POC1A: variants seen among roughly 807,000 people sequenced by gnomAD.
POC1A encodes POC1 centriolar protein homolog A.
A neutral mutation model predicts 47.8 loss-of-function variants in POC1A; 34 were observed. The observed-to-expected ratio is 0.71, with a 90% CI of 0.54 to 0.95. The LOEUF (loss-of-function observed/expected upper bound fraction) is 0.95. Ranked by LOEUF, POC1A falls within the 40% of genes least tolerant of loss-of-function variation. POC1A has a pLI of 0.00. For synonymous variants in POC1A, 177 were observed against 207.6 expected (o/e 0.85, Z 1.27); for missense variants, 466 against 528.3 (o/e 0.88, Z 1.16).
At chr3:52,091,688 T>G (rs776483594) in intron 10 of POC1A, among the ~76,000 whole-genome samples, 5 of 152,178 alleles carry the variant, frequency 3.3e-5, no homozygotes, top group Non-Finnish European at 7.3e-5. Flanking sequence ...AGTCCAGCGG[T>G]ATGGGGACTG....
At chr3:52,127,804 C>T (rs12386365) in intron 7 of POC1A, among the ~76,000 whole-genome samples, 24,028 of 151,550 alleles carry the variant, frequency 0.16, 3,195 homozygotes, top group African/African-American at 0.36. Flanking sequence ...CAAGCGATTC[C>T]TGTGCCTCAG....
chr3:52,127,526 G>C (rs1239260326), intron 7 of POC1A, among the ~76,000 whole-genome samples: 1 of 151,620 alleles, frequency 6.6e-6, no homozygotes, highest in East Asian at 1.9e-4. Context: ...GAGTAGCTGG[G>C]ATTACAGGTG....
At chr3:52,129,538 C>A (rs576350215) in intron 7 of POC1A, among the ~76,000 whole-genome samples, 1 of 152,202 alleles carries the variant, frequency 6.6e-6, no homozygotes, top group Non-Finnish European at 1.5e-5. Flanking sequence ...CTCTGAGCAG[C>A]GGCTCCTGGC....
intron 9 of POC1A, among the ~76,000 whole-genome samples, chr3:52,102,991 G>A (rs894501290): frequency 1.3e-5 from 2 of 149,074 alleles, no homozygotes; most frequent in Non-Finnish European, 2.9e-5. Context: ...AAGACACTGT[G>A]GTATTGGTAA....
intron 9 of POC1A, among the ~76,000 whole-genome samples, chr3:52,112,941 C>G (rs1703434560): frequency 6.6e-6 from 1 of 152,200 alleles, no homozygotes; most frequent in South Asian, 2.1e-4. Flanking sequence ...ACCTAGAAAT[C>G]TGTTAGAAAT....
At chr3:52,120,541 C>T (rs1006968662) in intron 9 of POC1A, among the ~76,000 whole-genome samples, 35 of 152,226 alleles carry the variant, frequency 2.3e-4, no homozygotes, top group African/African-American at 7.7e-4. Context: ...TGGGCGTATT[C>T]AGGTACTATG....
chr3:52,140,473 A>G (rs1698154981), intron 6 of POC1A, among the ~76,000 whole-genome samples: 1 of 152,200 alleles, frequency 6.6e-6, no homozygotes, highest in East Asian at 1.9e-4. Context: ...GGGCATGCTC[A>G]GGGAGCTCTG....
At chr3:52,132,352 CTGTT>C (rs986754083) in intron 7 of POC1A, among the ~76,000 whole-genome samples, 4 of 152,156 alleles carry the variant, frequency 2.6e-5, no homozygotes, top group East Asian at 1.9e-4. Context: ...TGGGTACAAA[CTGTT>C]TGTTCCTAAA....
At chr3:52,137,095 C>G (rs748739850) in intron 7 of POC1A, among the ~76,000 whole-genome samples, 2 of 152,134 alleles carry the variant, frequency 1.3e-5, no homozygotes, top group East Asian at 1.9e-4. Flanking sequence ...GCAGCCACCC[C>G]CTCTGGATGT....
intron 5 of POC1A, among the ~76,000 whole-genome samples, chr3:52,146,245 T>C (rs1161415993): frequency 6.6e-6 from 1 of 152,242 alleles, no homozygotes; most frequent in Non-Finnish European, 1.5e-5. Context: ...AACCCAAAAG[T>C]TAGCCAGGCT....
chr3:52,096,530 A>C, intron 10 of POC1A, 39 bp downstream of exon 10: 2 of 1,497,938 alleles, frequency 1.3e-6, no homozygotes, highest in Non-Finnish European at 8.9e-7. Context: ...GACCAAGTGC[A>C]GATGACGGGA....
intron 9 of POC1A, among the ~76,000 whole-genome samples, chr3:52,113,912 A>C (rs1198736544): frequency 6.6e-6 from 1 of 152,248 alleles, no homozygotes. Flanking sequence ...TCTGCCACCC[A>C]AAGCAAAGGC....
chr3:52,106,162 CAG>C (rs1452166279), intron 9 of POC1A, among the ~76,000 whole-genome samples: 1 of 117,626 alleles, frequency 8.5e-6, no homozygotes, highest in African/African-American at 3.3e-5. Context: ...GCCACTGTGA[CAG>C]AGAGAGACTA....
At chr3:52,108,759 T>A (rs931382093) in intron 9 of POC1A, among the ~76,000 whole-genome samples, 1 of 151,564 alleles carries the variant, frequency 6.6e-6, no homozygotes, top group African/African-American at 2.4e-5. Flanking sequence ...CAGGGAGGAG[T>A]TGCAGAAGGC....
intron 7 of POC1A, among the ~76,000 whole-genome samples, chr3:52,136,684 T>C (rs757436211): frequency 9.2e-5 from 14 of 152,090 alleles, no homozygotes; most frequent in Non-Finnish European, 7.3e-5. Context: ...GGTTCCCATA[T>C]CTCTAGATTT....
chr3:52,082,116 A>G (rs943379475), intron 10 of POC1A, among the ~76,000 whole-genome samples: 3 of 151,996 alleles, frequency 2.0e-5, no homozygotes, highest in Non-Finnish European at 4.4e-5. Context: ...GCAGAGTTGC[A>G]CTGCATTTTT....
At chr3:52,088,733 A>G (rs1489363852) in intron 10 of POC1A, among the ~76,000 whole-genome samples, 1 of 151,846 alleles carries the variant, frequency 6.6e-6, no homozygotes, top group Non-Finnish European at 1.5e-5. Context: ...GCAAGAGCAA[A>G]TCATGTGGAG....
chr3:52,149,190 C>T lies in POC1A; in HGVS notation c.455+20G>A, dbSNP rs749347317. On this transcript the variant is annotated intron_variant, in intron 4 of 10. Transcript: ENST00000296484. ...ACCCCCAGGGTTCCTCCAAGGGTCTCCAGACAGAACAATGCTCACTTGGCA... is the reference window on the plus strand; with the variant it reads ...ACCCCCAGGGTTCCTCCAAGGGTCTTCAGACAGAACAATGCTCACTTGGCA... The T allele has an allele frequency of 1.4e-5, 22 of 1,613,004 alleles. No individual in the cohort carries two copies. Among genetic ancestry groups the T allele is most frequent in the Non-Finnish European group, 1.8e-5 (21 of 1,179,356 alleles).
intron 9 of POC1A, among the ~76,000 whole-genome samples, chr3:52,109,405 G>C (rs1703302363): frequency 6.6e-6 from 1 of 151,790 alleles, no homozygotes; most frequent in Non-Finnish European, 1.5e-5. Context: ...CATGGGGTTT[G>C]TTACATTATT....
Sources: gnomAD v4.1 joint callset for allele counts (sites outside exome capture counted in the v4.1 genomes callset) on GRCh38, gnomAD v4.1.1 for gene constraint, MANE v1.5 for transcripts, NCBI Gene and HGNC (gene_info 2026-07-23, HGNC 2026-07-21) for gene names.